EEF1AKMT3: variants seen among roughly 807,000 people sequenced by gnomAD.
EEF1AKMT3 encodes EEF1A lysine methyltransferase 3, also known as eEF1A-KMT3.
A neutral mutation model predicts 17.8 loss-of-function variants in EEF1AKMT3; 17 were observed. The ratio of observed to expected loss-of-function variants is 0.96; its 90% CI spans 0.65 to 1.43. The LOEUF (loss-of-function observed/expected upper bound fraction) is 1.43. Among genes scored for constraint, EEF1AKMT3 ranks in the 40% most tolerant of loss-of-function variants. The pLI, the probability that EEF1AKMT3 is intolerant of heterozygous loss-of-function variation, is 0.00. For synonymous variants in EEF1AKMT3, 116 were observed against 126.5 expected (o/e 0.92, Z 0.56); for missense variants, 244 against 285.8 (o/e 0.85, Z 1.06).
chr12:57,779,205 T>C (rs1295711847), intron 2 of EEF1AKMT3, among the ~76,000 whole-genome samples: 1 of 152,192 alleles, frequency 6.6e-6, no homozygotes, highest in Non-Finnish European at 1.5e-5. Flanking sequence ...GAACCCTTGG[T>C]TGGTCCCTCT....
intron 2 of EEF1AKMT3, among the ~76,000 whole-genome samples, chr12:57,777,963 G>A (rs952287657): frequency 1.3e-5 from 2 of 149,960 alleles, no homozygotes; most frequent in Non-Finnish European, 3.0e-5. Context: ...AGGTTGCAAT[G>A]AGCCGAGATC....
rs959957155 is a variant in EEF1AKMT3 at position 57,781,615 on chromosome 12, T to C, written c.*969T>C. On this transcript the variant is annotated 3_prime_UTR_variant, in exon 3 of 3. Transcript: ENST00000300209. ...GAGCCTTGATCACGGAACATCATTG[T>C]GTGCAGAAGAATACTGTACCTAGTA... The C allele has an allele frequency of 6.6e-6, 1 of 152,240 alleles. No individual in the cohort carries two copies. Among genetic ancestry groups the C allele is most frequent in the African/African-American group, 2.4e-5 (1 of 41,462 alleles). 9.4% of individuals were successfully genotyped at this position (152,240 alleles called of 1,614,324 possible).
In EEF1AKMT3 at chr12:57,780,987, C is replaced by G. The variant is rs775178874; in HGVS notation, c.*341C>G. 77 of 335,572 alleles carry G rather than the reference C, an allele frequency of 2.3e-4. No individual in the cohort carries two copies. The highest frequency in any genetic ancestry group is 3.6e-4 in the Non-Finnish European group (66 of 181,404). The allele number at this position is 335,572 out of a possible 1,614,324, so 20.8% of individuals were successfully genotyped here. A position where few individuals can be genotyped will look rare whatever the true frequency, so the allele number is the denominator to read the frequency against. On this transcript the variant is annotated 3_prime_UTR_variant, in exon 3 of 3. Transcript: ENST00000300209. ...AGAGCAGTGATTGTAGACAGACTGT[C>G]ACTGATCACTTCCATTCCTGTTGCT... is the stretch of plus-strand genomic sequence containing the variant.
In EEF1AKMT3 at chr12:57,780,964, A is replaced by C. The variant is rs565502247; in HGVS notation, c.*318A>C. 52 of 406,908 alleles carry C rather than the reference A, an allele frequency of 1.3e-4. No individual in the cohort carries two copies. Among genetic ancestry groups the C allele is most frequent in the African/African-American group, 9.2e-4 (45 of 49,092 alleles). The allele number at this position is 406,908 out of a possible 1,614,324, so 25.2% of individuals were successfully genotyped here. On this transcript the variant is annotated 3_prime_UTR_variant, in exon 3 of 3. Coordinates refer to ENST00000300209, the MANE Select transcript of EEF1AKMT3 (RefSeq NM_015433.3). ...GTAAGGGAGATATATGGGATGTGAG[A>C]GCAGTGATTGTAGACAGACTGTCAC...
At position 57,780,401 on chromosome 12, in the gene EEF1AKMT3, C is replaced by G. The variant is rs1463454958; in HGVS notation, c.436C>G (p.Leu146Val). 6.2e-7 allele frequency: 1 copy of G among 1,614,224 alleles called. No homozygotes were observed. Among genetic ancestry groups the G allele is most frequent in the East Asian group, 2.2e-5 (1 of 44,876 alleles). The change falls in exon 3 of 3, where the codon CTG (leucine) becomes GTG (valine). Residue 146 changes from leucine to valine, a missense_variant. By Grantham distance (32) the Leu-to-Val change is conservative (BLOSUM62 1). Transcript: ENST00000300209. ...TCATGTCTTCCCTGCAAACTATGAC[C>G]TGGTGCTGGGGGCTGATATCGTGTA... ...DHHVFPANYD[L>V]VLGADIVYLE...
Position 57,780,283 on chromosome 12 carries a change from C to G in EEF1AKMT3, c.318C>G (p.Pro106=). The change falls in exon 3 of 3, where the codon CCC becomes CCG. Residue 106 remains proline, a synonymous_variant. Transcript: ENST00000300209. Reference sequence around the variant, plus strand: ...GGGATGTTACCATCACTGACCTGCCCCTGGCCCTAGAACAGATCCAGGGCA... The same window carrying G: ...GGGATGTTACCATCACTGACCTGCCGCTGGCCCTAGAACAGATCCAGGGCA... The part of the protein sequence containing the change: ...QGGDVTITDL[P]LALEQIQGNV... The G allele has an allele frequency of 6.2e-7, 1 of 1,613,794 alleles. No individual in the cohort carries two copies. Among genetic ancestry groups the G allele is most frequent in the Non-Finnish European group, 8.5e-7 (1 of 1,179,946 alleles).
In EEF1AKMT3 at chr12:57,780,278, C is replaced by T. The variant is rs542904428; in HGVS notation, c.313C>T (p.Leu105=). Residue 105 remains leucine (L), a synonymous_variant, in exon 3 of 3, where the codon CTG becomes TTG. Coordinates refer to ENST00000300209, the MANE Select transcript of EEF1AKMT3 (RefSeq NM_015433.3). ...AGGGGGGGATGTTACCATCACTGAC[C>T]TGCCCCTGGCCCTAGAACAGATCCA... ...LQGGDVTITD[L]PLALEQIQGN... is the part of the protein sequence containing the mutation. 1 of 1,613,610 alleles carries T rather than the reference C, an allele frequency of 6.2e-7. No individual in the cohort carries two copies.
intron 2 of EEF1AKMT3, among the ~76,000 whole-genome samples, chr12:57,775,649 G>A (rs1955476621): frequency 6.6e-6 from 1 of 152,154 alleles, no homozygotes; most frequent in African/African-American, 2.4e-5. Context: ...GTTGTCTGGG[G>A]AAGTATTATC....
chr12:57,776,477 C>T (rs551525376), intron 2 of EEF1AKMT3, among the ~76,000 whole-genome samples: 4 of 152,162 alleles, frequency 2.6e-5, no homozygotes, highest in Non-Finnish European at 5.9e-5. Flanking sequence ...TACCATTGGC[C>T]TTAGGTGGGT....
At chr12:57,774,707 G>A (rs762460596) in intron 2 of EEF1AKMT3, 10 of 1,613,158 alleles carry the variant, frequency 6.2e-6, no homozygotes, top group Admixed American at 3.3e-5. Context: ...GGAGCCTGTG[G>A]ACATGCTCTA....
At chr12:57,776,246 G>A (rs1370184749) in intron 2 of EEF1AKMT3, among the ~76,000 whole-genome samples, 3 of 152,132 alleles carry the variant, frequency 2.0e-5, no homozygotes, top group Admixed American at 6.5e-5. Context: ...CTGTCCATCA[G>A]TTCCTCAAAC....
chr12:57,772,743 G>C lies in EEF1AKMT3; in HGVS notation c.19G>C (p.Asp7His). 6 of 1,613,682 alleles carry C rather than the reference G, an allele frequency of 3.7e-6. No homozygotes were observed. The highest frequency in any genetic ancestry group is 5.1e-6 in the Non-Finnish European group (6 of 1,179,752). The change falls in exon 1 of 3, where the codon GAT (aspartate) becomes CAT (histidine). Residue 7 changes from aspartate (D) to histidine (H), a missense_variant. By Grantham distance (81) the Asp-to-His change is moderately conservative. Transcript: ENST00000300209. This position sits in a 1 kb window ranked among gnomAD's most constrained non-coding sequence, Gnocchi z 4.1. The part of the protein sequence containing the change: MADPGP[D>H]PESESESVFP... ...GGGCCGGATGGCGGACCCCGGCCCA[G>C]ATCCCGAATCTGAGTCGGAATCGGT...
Position 57,781,574 on chromosome 12 carries a change from A to C in EEF1AKMT3, c.*928A>C, listed in dbSNP as rs1955515846. 6.6e-6 allele frequency: 1 copy of C among 152,048 alleles called. No homozygotes were observed. 9.4% of individuals were successfully genotyped at this position (152,048 alleles called of 1,614,324 possible). Reference sequence around the variant, plus strand: ...GCTGTCCTTTGGACTGTATTTCTTCATGCTTTCCAGAGTTAGAGCCTTGAT... The same window carrying C: ...GCTGTCCTTTGGACTGTATTTCTTCCTGCTTTCCAGAGTTAGAGCCTTGAT... On this transcript the variant is annotated 3_prime_UTR_variant, in exon 3 of 3. Coordinates refer to ENST00000300209, the MANE Select transcript of EEF1AKMT3 (RefSeq NM_015433.3).
At chr12:57,773,214 G>T in intron 2 of EEF1AKMT3, 86 bp downstream of exon 2, 1 of 1,304,360 alleles carries the variant, frequency 7.7e-7, no homozygotes, top group Non-Finnish European at 1.1e-6. Context: ...GGGGAGAGGG[G>T]AGAACTTTGG....
rs188358965 is a variant in EEF1AKMT3, at chr12:57,776,797, C to T, written c.290-3458C>T. Among the ~76,000 whole-genome samples the T allele has an allele frequency of 1.1e-3, 168 of 152,116 alleles. 1 individual carries two copies. Among genetic ancestry groups the T allele is most frequent in the South Asian group, 0.01 (50 of 4,824 alleles). On this transcript the variant is annotated intron_variant, in intron 2 of 2. Coordinates refer to ENST00000300209, the MANE Select transcript of EEF1AKMT3 (RefSeq NM_015433.3). The stretch of plus-strand genomic sequence containing the variant: ...TTCCAAGTAGCTGGGATTACAGGCA[C>T]GCACCACCATGCCTGGCTAATTTTT...
chr12:57,777,615 T>C (rs1955487862), intron 2 of EEF1AKMT3, among the ~76,000 whole-genome samples: 1 of 152,240 alleles, frequency 6.6e-6, no homozygotes. Flanking sequence ...TGGTTCTTTT[T>C]CATCTTCACA....
intron 2 of EEF1AKMT3, 62 bp downstream of exon 2, chr12:57,773,190 T>C: frequency 1.3e-6 from 2 of 1,494,260 alleles, no homozygotes; most frequent in Non-Finnish European, 1.9e-6. Context: ...AAATGGTCAC[T>C]TCGTGGATCT....
In EEF1AKMT3 at chr12:57,773,094, G is replaced by A; in HGVS notation, c.255G>A (p.Gly85=). 6.2e-7 allele frequency: 1 copy of A among 1,614,178 alleles called. No individual in the cohort carries two copies. Among genetic ancestry groups the A allele is most frequent in the Non-Finnish European group, 8.5e-7 (1 of 1,180,036 alleles). Residue 85 remains glycine, a synonymous_variant, in exon 2 of 3, where the codon GGG becomes GGA. Transcript: ENST00000300209. ...AGAAGGTGATCGAACTGGGTGCGGG[G>A]ACAGGCATCGTGGGGATCTTGGCAG... ...RGKKVIELGA[G]TGIVGILAAL... is the part of the protein sequence containing the mutation.
At chr12:57,774,292 C>T (rs903244951) in intron 2 of EEF1AKMT3, among the ~76,000 whole-genome samples, 2 of 152,144 alleles carry the variant, frequency 1.3e-5, no homozygotes, top group African/African-American at 4.8e-5. Flanking sequence ...ACCAGCCTGA[C>T]CAACATGGTG....
Sources: gnomAD v4.1 joint callset for allele counts (sites outside exome capture counted in the v4.1 genomes callset) on GRCh38, gnomAD v4.1.1 for gene constraint, Gnocchi (gnomAD v3.1) non-coding constraint, MANE v1.5 for transcripts, NCBI Gene and HGNC (gene_info 2026-07-23, HGNC 2026-07-21) for gene names.